Variants in PMEPA1 observed in about 807,000 individuals in gnomAD.
The protein encoded by PMEPA1 is protein TMEPAI.
In PMEPA1, 11 loss-of-function variants were observed where a neutral mutation model predicts 23.0. That is an observed-to-expected ratio of 0.48 (90% CI 0.30 to 0.79). The LOEUF is 0.79. Among genes scored for constraint, PMEPA1 ranks in the 30% least tolerant of loss-of-function variants. The pLI is 0.06. For missense variants in PMEPA1, 377 were observed against 390.9 expected, an observed-to-expected ratio of 0.96 and a Z score of 0.30; for synonymous variants, 204 against 166.4, an observed-to-expected ratio of 1.23 and a Z score of -1.74.
At chr20:57,688,181 G>T (rs2071826690) in intron 1 of PMEPA1, among the ~76,000 whole-genome samples, 1 of 152,204 alleles carries the variant, frequency 6.6e-6, no homozygotes, top group Non-Finnish European at 1.5e-5. Flanking sequence ...CCCATTCCAA[G>T]ATTTCTCCGT....
upstream of PMEPA1, chr20:57,710,427 A>G (rs1263194586): frequency 3.8e-6 from 6 of 1,597,850 alleles, no homozygotes; most frequent in Non-Finnish European, 5.1e-6. Flanking sequence ...GAGAAATTGG[A>G]GAAAGGGGGA....
At chr20:57,675,774 G>T (rs2071628848) in intron 1 of PMEPA1, among the ~76,000 whole-genome samples, 1 of 152,202 alleles carries the variant, frequency 6.6e-6, no homozygotes, top group Non-Finnish European at 1.5e-5. Context: ...TGATTGTTTG[G>T]GGGTGTGTCC....
In PMEPA1 at chr20:57,648,410, A is replaced by C. The variant is rs2071174792; in HGVS notation, c.*3643T>G. 6.5e-6 allele frequency: 1 copy of C among 152,676 alleles called. No homozygotes were observed. The highest frequency in any genetic ancestry group is 1.5e-5 in the Non-Finnish European group (1 of 68,048). 9.5% of individuals were successfully genotyped at this position (152,676 alleles called of 1,614,324 possible). A position where few individuals can be genotyped will look rare whatever the true frequency, so the allele number is the denominator to read the frequency against. On this transcript the variant is annotated 3_prime_UTR_variant, in exon 4 of 4. Transcript: ENST00000341744. Reference sequence around the variant, plus strand: ...AAAAAGCCTCATTCCAAAGAATTGTAAAATTTATTGTATAAGTATTGCAGC... The same window carrying C: ...AAAAAGCCTCATTCCAAAGAATTGTCAAATTTATTGTATAAGTATTGCAGC...
intron 1 of PMEPA1, among the ~76,000 whole-genome samples, chr20:57,669,504 GC>G (rs1484336908): frequency 1.3e-5 from 2 of 152,124 alleles, no homozygotes; most frequent in Admixed American, 1.3e-4. Context: ...GTGCAAGAAG[GC>G]CCCCTGCAGG....
At chr20:57,693,640 T>C (rs2071910837) in intron 1 of PMEPA1, among the ~76,000 whole-genome samples, 1 of 152,150 alleles carries the variant, frequency 6.6e-6, no homozygotes, top group African/African-American at 2.4e-5. Flanking sequence ...GGCTAAATAA[T>C]AAGTCACAGA....
At chr20:57,653,226 TC>T in intron 2 of PMEPA1, 140 bp from the exon 3 acceptor site, 2 of 726,320 alleles carry the variant, frequency 2.8e-6, no homozygotes, top group Non-Finnish European at 2.4e-6. Context: ...GGAACCAGCT[TC>T]CCCAGCCCCT....
At chr20:57,688,700 C>T (rs189599268) in intron 1 of PMEPA1, among the ~76,000 whole-genome samples, 6 of 152,276 alleles carry the variant, frequency 3.9e-5, no homozygotes, top group African/African-American at 9.6e-5. Flanking sequence ...ACAGATGAGG[C>T]GACCGAGGCT....
intron 1 of PMEPA1, among the ~76,000 whole-genome samples, chr20:57,669,324 C>A (rs904408919): frequency 1.2e-4 from 18 of 152,112 alleles, no homozygotes; most frequent in Non-Finnish European, 2.4e-4. Flanking sequence ...GCACGCCCAG[C>A]TAATTTTTGT....
intron 1 of PMEPA1, among the ~76,000 whole-genome samples, chr20:57,670,251 A>G (rs1023888911): frequency 6.6e-6 from 1 of 151,954 alleles, no homozygotes; most frequent in Non-Finnish European, 1.5e-5. Context: ...GCCCTGTGGC[A>G]CCCACCGGTC....
chr20:57,659,606 C>T lies in PMEPA1; in HGVS notation c.201G>A (p.Leu67=). ...VITCLLSHYK[L]SARSFISRHS... ...GCCGGCTGATGAAGGACCGTGCAGA[C>T]AGCTTGTAGTGGCTCAGCAGGCACG... Residue 67 remains leucine (L), a synonymous_variant, in exon 2 of 4, where the codon CTG becomes CTA. Transcript: ENST00000341744. 6.2e-7 allele frequency: 1 copy of T among 1,613,708 alleles called. No homozygotes were observed.
intron 2 of PMEPA1, 105 bp downstream of exon 2, chr20:57,659,438 G>A (rs2071376617): frequency 3.9e-6 from 5 of 1,271,248 alleles, no homozygotes; most frequent in Non-Finnish European, 5.4e-6. Flanking sequence ...TTCCTGCCCT[G>A]AATCTGTTTC....
chr20:57,701,326 G>C (rs1038928734), intron 1 of PMEPA1, among the ~76,000 whole-genome samples: 3 of 152,164 alleles, frequency 2.0e-5, no homozygotes, highest in African/African-American at 4.8e-5. Flanking sequence ...CTTCCTCCGT[G>C]AGGACAATAA....
rs2146656006 is a variant in PMEPA1, at chr20:57,665,081, C to T, written c.110-5384G>A. The stretch of plus-strand genomic sequence containing the variant: ...TGTGACCACAGGACACATTGCCAAG[C>T]AGTCATAGGCCACAGGGGACAGAGC... On this transcript the variant is annotated intron_variant, in intron 1 of 3. Transcript: ENST00000341744. Among the ~76,000 whole-genome samples, 2 of 152,304 alleles carry T rather than the reference C, an allele frequency of 1.3e-5. 1 individual carries two copies. Among genetic ancestry groups the T allele is most frequent in the South Asian group, 4.1e-4 (2 of 4,828 alleles).
intron 1 of PMEPA1, among the ~76,000 whole-genome samples, chr20:57,691,538 A>T (rs2071882072): frequency 6.6e-6 from 1 of 152,144 alleles, no homozygotes; most frequent in Non-Finnish European, 1.5e-5. Context: ...CTCTCCCCTG[A>T]GCTGATGCCA....
intron 1 of PMEPA1, among the ~76,000 whole-genome samples, chr20:57,675,004 C>T (rs192161926): frequency 6.6e-6 from 1 of 152,336 alleles, no homozygotes; most frequent in Admixed American, 6.5e-5. Flanking sequence ...GTACAGTGAG[C>T]TCCTGCTGTG....
At chr20:57,707,751 C>T (rs928769869) in intron 1 of PMEPA1, among the ~76,000 whole-genome samples, 1 of 151,612 alleles carries the variant, frequency 6.6e-6, no homozygotes, top group African/African-American at 2.4e-5. Context: ...GTGTGCCCCT[C>T]GAGCAGGAGG....
In PMEPA1 at chr20:57,694,493, G is replaced by A. The variant is rs1464713720; in HGVS notation, c.109+14981C>T. Among the ~76,000 whole-genome samples the A allele has an allele frequency of 2.0e-5, 3 of 152,220 alleles. No individual in the cohort carries two copies. In the East Asian group the frequency reaches 5.8e-4, roughly 29 times the overall value. ...AATGACCATCCACGTGCCATCTCCAGTTTTCTCATGTGCTACCGTTTGCTT... is the reference window on the plus strand; with the variant it reads ...AATGACCATCCACGTGCCATCTCCAATTTTCTCATGTGCTACCGTTTGCTT... On this transcript the variant is annotated intron_variant, in intron 1 of 3. Coordinates refer to ENST00000341744, the MANE Select transcript of PMEPA1 (RefSeq NM_020182.5).
At position 57,655,921 on chromosome 20, in the gene PMEPA1, C is replaced by T. The variant is rs1425048219; in HGVS notation, c.265-2835G>A. Among the ~76,000 whole-genome samples, 2 of 152,094 alleles carry T rather than the reference C, an allele frequency of 1.3e-5. No individual in the cohort carries two copies. The highest frequency in any genetic ancestry group is 6.5e-5 in the Admixed American group (1 of 15,274). On this transcript the variant is annotated intron_variant, in intron 2 of 3. Coordinates refer to ENST00000341744, the MANE Select transcript of PMEPA1 (RefSeq NM_020182.5). This position sits in a 1 kb window ranked among gnomAD's most constrained non-coding sequence, Gnocchi z 4.2. ...CAGCCAAGCGCAGCTATGGGCAAAA[C>T]GCACTCGAAAACACTTCATTCACAC... is the stretch of plus-strand genomic sequence containing the variant.
At position 57,686,058 on chromosome 20, in the gene PMEPA1, T is replaced by G. The variant is rs957244501; in HGVS notation, c.109+23416A>C. The stretch of plus-strand genomic sequence containing the variant: ...GGTGACACCCAAACACCCTCTAAAC[T>G]GGGGAGTGGGCCTCCATGCAGCCAA... On this transcript the variant is annotated intron_variant, in intron 1 of 3. Coordinates refer to ENST00000341744, the MANE Select transcript of PMEPA1 (RefSeq NM_020182.5). 2.6e-5 allele frequency among the ~76,000 whole-genome samples: 4 copies of G among 152,150 alleles called. No homozygotes were observed. In the East Asian group the frequency reaches 7.7e-4, roughly 29 times the overall value.
Sources: gnomAD v4.1 joint callset for allele counts (sites outside exome capture counted in the v4.1 genomes callset) on GRCh38, gnomAD v4.1.1 for gene constraint, Gnocchi (gnomAD v3.1) non-coding constraint, MANE v1.5 for transcripts, NCBI Gene and HGNC (gene_info 2026-07-23, HGNC 2026-07-21) for gene names.